CLASP1: variants seen among roughly 807,000 people sequenced by gnomAD.
CLASP1 encodes CLIP-associating protein 1.
Under a neutral mutation model 192.3 loss-of-function variants are expected in CLASP1, and 38 were observed. That is an observed-to-expected ratio of 0.20 (90% CI 0.15 to 0.26). The LOEUF (loss-of-function observed/expected upper bound fraction) is 0.26. Among genes scored for constraint, CLASP1 ranks in the 10% least tolerant of loss-of-function variants. The probability of loss-of-function intolerance (pLI) is 1.00; values close to 1 mark genes in which losing one functional copy is unlikely to be tolerated. For synonymous variants in CLASP1, 691 were observed against 712.8 expected (o/e 0.97, Z 0.49); for missense variants, 1,433 against 1,932.5 (o/e 0.74, Z 4.85).
intron 2 of CLASP1, among the ~76,000 whole-genome samples, chr2:121,536,526 G>A (rs907456434): frequency 1.3e-5 from 2 of 152,024 alleles, no homozygotes; most frequent in African/African-American, 2.4e-5. Flanking sequence ...TTATCTACAG[G>A]AGTAAAAAGG....
chr2:121,357,114 C>G (rs1403429888), intron 37 of CLASP1, among the ~76,000 whole-genome samples: 1 of 152,134 alleles, frequency 6.6e-6, no homozygotes, highest in Non-Finnish European at 1.5e-5. Context: ...GCTACCCCAG[C>G]ACAAATATAG....
chr2:121,460,174 G>C (rs761684912), intron 11 of CLASP1, 49 bp from the exon 12 acceptor site: 1 of 1,453,862 alleles, frequency 6.9e-7, no homozygotes, highest in East Asian at 2.3e-5. Context: ...TTCTAACACA[G>C]ACTATACACA....
At chr2:121,504,754 C>T (rs1229523018) in intron 7 of CLASP1, among the ~76,000 whole-genome samples, 1 of 152,210 alleles carries the variant, frequency 6.6e-6, no homozygotes, top group Non-Finnish European at 1.5e-5. Context: ...TGCCTCCCCC[C>T]ATTCCATAGG....
At chr2:121,509,576 A>C (rs1446816946) in intron 7 of CLASP1, among the ~76,000 whole-genome samples, 1 of 152,214 alleles carries the variant, frequency 6.6e-6, no homozygotes, top group Non-Finnish European at 1.5e-5. Flanking sequence ...GGTGGACCAC[A>C]CCTGTAATCT....
intron 10 of CLASP1, among the ~76,000 whole-genome samples, chr2:121,461,848 TG>T (rs1175430480): frequency 6.6e-6 from 1 of 152,176 alleles, no homozygotes; most frequent in African/African-American, 2.4e-5. Context: ...GGATGATTTT[TG>T]TATCTTTTAT....
intron 28 of CLASP1, among the ~76,000 whole-genome samples, chr2:121,399,335 T>C (rs190216214): frequency 6.6e-6 from 1 of 152,324 alleles, no homozygotes; most frequent in African/African-American, 2.4e-5. Flanking sequence ...TCTTTGAAGA[T>C]CTCTTCGGGA....
At chr2:121,478,742 C>G (rs930480387) in intron 8 of CLASP1, among the ~76,000 whole-genome samples, 1 of 45,142 alleles carries the variant, frequency 2.2e-5, no homozygotes, top group Non-Finnish European at 4.3e-5. Flanking sequence ...CACACACACC[C>G]CACACACACC....
chr2:121,409,897 G>A (rs1191113836), intron 24 of CLASP1, among the ~76,000 whole-genome samples: 1 of 152,152 alleles, frequency 6.6e-6, no homozygotes, highest in Non-Finnish European at 1.5e-5. Context: ...TACAGGAAAA[G>A]GATTAGGAGA....
rs774182050 is a variant in CLASP1, at chr2:121,407,591, T to A, written c.2549A>T (p.Tyr850Phe). The change falls in exon 25 of 40, where the codon TAT becomes TTT. Residue 850 changes from tyrosine (Y) to phenylalanine (F), a missense_variant. By Grantham distance (22) the Tyr-to-Phe change is conservative. Around this residue, in one of 8 missense-constraint regions of CLASP1, gnomAD observed 445 missense variants for 535.5 expected, o/e 0.83. Transcript: ENST00000263710. ...TGCTACATCCTCAGTCTGCCGCAGA[T>A]AATGGGGAATGCCACCATTCCTGGA... 3 of 1,613,884 alleles carry A rather than the reference T, an allele frequency of 1.9e-6. No individual in the cohort carries two copies. In the African/African-American group the frequency reaches 4.0e-5, roughly 22 times the overall value.
At chr2:121,614,429 G>C (rs968439643) in intron 1 of CLASP1, among the ~76,000 whole-genome samples, 2 of 152,160 alleles carry the variant, frequency 1.3e-5, no homozygotes, top group African/African-American at 4.8e-5. Flanking sequence ...CTGGGAGGCA[G>C]AGTTTGTGGT....
At chr2:121,647,841 T>C (rs1467345812) in intron 1 of CLASP1, among the ~76,000 whole-genome samples, 1 of 152,186 alleles carries the variant, frequency 6.6e-6, no homozygotes, top group East Asian at 1.9e-4. Flanking sequence ...TTGGTTAACC[T>C]TACCTGGGAG....
chr2:121,407,845 C>G (rs769027949), intron 24 of CLASP1, 130 bp from the exon 26 acceptor site: 1 of 1,071,094 alleles, frequency 9.3e-7, no homozygotes, highest in East Asian at 2.4e-5. Context: ...ACACACTTTT[C>G]CTGTGCTTAT....
intron 34 of CLASP1, among the ~76,000 whole-genome samples, chr2:121,376,526 T>TGGGGGGGGGAGGGG (rs2070201822): frequency 5.7e-5 from 6 of 105,128 alleles, no homozygotes; most frequent in Admixed American, 1.0e-4. Flanking sequence ...TGGGAAGGGG[T>TGGGGGGGGGAGGGG]GGGGGGGGGG....
chr2:121,635,165 C>T (rs2070576695), intron 1 of CLASP1, among the ~76,000 whole-genome samples: 1 of 150,262 alleles, frequency 6.7e-6, no homozygotes, highest in African/African-American at 2.5e-5. Context: ...TATGATCACA[C>T]CACACTGCAC....
At chr2:121,594,075 G>C (rs1465145225) in intron 2 of CLASP1, among the ~76,000 whole-genome samples, 1 of 152,006 alleles carries the variant, frequency 6.6e-6, no homozygotes, top group East Asian at 2.0e-4. Flanking sequence ...GAGGCGGGTG[G>C]AGATCGTGAG....
At chr2:121,521,408 G>T (rs151302107) in intron 6 of CLASP1, among the ~76,000 whole-genome samples, 23 of 152,268 alleles carry the variant, frequency 1.5e-4, no homozygotes, top group African/African-American at 5.1e-4. Context: ...CCAACCGTGC[G>T]TGTGGTACCG....
chr2:121,430,651 CCTT>C (rs1239738529), intron 19 of CLASP1, among the ~76,000 whole-genome samples: 3 of 151,936 alleles, frequency 2.0e-5, no homozygotes, highest in East Asian at 1.9e-4. Context: ...AAAAAGTCTA[CCTT>C]CTTAACTCAG....
rs184406047 is a variant in CLASP1 at position 121,506,042 on chromosome 2, A to T, written c.645-2808T>A. Among the ~76,000 whole-genome samples the T allele has an allele frequency of 1.2e-3, 189 of 152,324 alleles. 2 individuals are homozygous for T. The highest frequency in any genetic ancestry group is 2.4e-4 in the Non-Finnish European group (16 of 68,028). On this transcript the variant is annotated intron_variant, in intron 7 of 39. Coordinates refer to ENST00000263710, the Ensembl canonical transcript of CLASP1. ...TTAAAGAGAAAGAAAAAGTTTTTTT[A>T]AAAATGTCATTAGTGCTTCCAAAGA...
At chr2:121,604,671 A>T (rs2064199638) in intron 2 of CLASP1, among the ~76,000 whole-genome samples, 1 of 152,244 alleles carries the variant, frequency 6.6e-6, no homozygotes, top group African/African-American at 2.4e-5. Flanking sequence ...CGGTCTAAAA[A>T]ATAAATATAC....
Sources: allele counts gnomAD v4.1 joint callset (sites outside exome capture counted in the v4.1 genomes callset), GRCh38; gene constraint gnomAD v4.1.1; regional missense constraint gnomAD v4.1.1; transcripts MANE v1.5; gene names NCBI Gene and HGNC (gene_info 2026-07-23, HGNC 2026-07-21).